Variants in STK33 observed in about 807,000 individuals in gnomAD.
The protein encoded by STK33 is serine/threonine-protein kinase 33.
STK33 carries 52 observed loss-of-function variants against 58.0 expected under a neutral mutation model. That is an observed-to-expected ratio of 0.90 (90% CI 0.72 to 1.13). The LOEUF (loss-of-function observed/expected upper bound fraction) is 1.13, where lower values mean the gene tolerates loss of function less well. Ranked by LOEUF, STK33 falls within the 50% of genes most tolerant of loss-of-function variation. The pLI, the probability that STK33 is intolerant of heterozygous loss-of-function variation, is 0.00. For missense variants in STK33, 630 were observed against 604.2 expected, an observed-to-expected ratio of 1.04 and a Z score of -0.45; for synonymous variants, 215 against 200.1, an observed-to-expected ratio of 1.07 and a Z score of -0.63.
intron 6 of STK33, 25 bp from the exon 7 acceptor site, chr11:8,464,847 G>C (rs1462808824): frequency 1.4e-6 from 2 of 1,384,188 alleles, no homozygotes; most frequent in East Asian, 2.3e-5. Context: ...AAAAAGAGTT[G>C]TCTCTCTATG....
chr11:8,449,223 G>A (rs1023175222), intron 11 of STK33, among the ~76,000 whole-genome samples: 1 of 151,608 alleles, frequency 6.6e-6, no homozygotes, highest in Non-Finnish European at 1.5e-5. Flanking sequence ...AAGACAGTGT[G>A]GCGATTCCTC....
At chr11:8,382,668 T>G in the STK33 span, among the ~76,000 whole-genome samples, 1 of 152,150 alleles carries the variant, frequency 6.6e-6, no homozygotes, top group Admixed American at 6.5e-5. Context: ...ACAGGTCCTG[T>G]GTGAGGTTGC....
chr11:8,496,077 C>T lies in STK33; in HGVS notation c.-465-15463G>A, dbSNP rs534091578. Among the ~76,000 whole-genome samples the T allele has an allele frequency of 1.1e-3, 166 of 151,516 alleles. 1 individual carries two copies. Among genetic ancestry groups the T allele is most frequent in the Non-Finnish European group, 2.0e-3 (134 of 67,898 alleles). ...CAAACCTACATGTTGTGCACATGTA[C>T]CCTAGAACTTAAAGTATAATAAAAA... On this transcript the variant is annotated intron_variant, in intron 1 of 15. Transcript: ENST00000687296.
intron 1 of STK33, among the ~76,000 whole-genome samples, chr11:8,592,725 G>A (rs902607536): frequency 6.6e-6 from 1 of 152,118 alleles, no homozygotes; most frequent in Non-Finnish European, 1.5e-5. Flanking sequence ...GGATGGTCAT[G>A]TACATGGTCA....
intron 12 of STK33, among the ~76,000 whole-genome samples, chr11:8,438,032 C>A (rs1432133873): frequency 2.6e-5 from 4 of 152,164 alleles, no homozygotes; most frequent in African/African-American, 9.7e-5. Context: ...ACAGTGCAGG[C>A]CAGCAAAGGC....
At chr11:8,396,487 G>A (rs1849364695) in intron 15 of STK33, among the ~76,000 whole-genome samples, 1 of 152,214 alleles carries the variant, frequency 6.6e-6, no homozygotes, top group East Asian at 1.9e-4. Context: ...AAAAGAATCT[G>A]AGACTCAGTG....
intron 1 of STK33, among the ~76,000 whole-genome samples, chr11:8,487,261 A>G (rs1950250585): frequency 6.6e-6 from 1 of 151,800 alleles, no homozygotes; most frequent in Non-Finnish European, 1.5e-5. Flanking sequence ...CCGTCTCTAC[A>G]AAAAGTACAA....
the STK33 span, among the ~76,000 whole-genome samples, chr11:8,336,254 C>T: frequency 2.0e-5 from 3 of 152,250 alleles, no homozygotes; most frequent in Non-Finnish European, 4.4e-5. Context: ...ATGGAGACAA[C>T]GACAGCACCT....
intron 1 of STK33, among the ~76,000 whole-genome samples, chr11:8,586,217 G>A (rs1245930603): frequency 7.5e-5 from 8 of 105,994 alleles, no homozygotes; most frequent in African/African-American, 1.7e-4. Context: ...ATCCTATCTC[G>A]GAAAAAAAAA....
intron 1 of STK33, among the ~76,000 whole-genome samples, chr11:8,493,499 G>C (rs1428146743): frequency 1.3e-5 from 2 of 152,158 alleles, no homozygotes; most frequent in African/African-American, 4.8e-5. Context: ...CGGATTCACA[G>C]TGGAATTCTA....
chr11:8,489,257 C>CAAAAA (rs377017514), intron 1 of STK33, among the ~76,000 whole-genome samples: 1 of 64,328 alleles, frequency 1.6e-5, no homozygotes, highest in Non-Finnish European at 2.9e-5. Context: ...AAGCTATCTC[C>CAAAAA]AAAAAAAAAA....
Position 8,491,550 on chromosome 11 carries a change from C to T in STK33, c.-465-10936G>A, listed in dbSNP as rs1950611947. Among the ~76,000 whole-genome samples, 3 of 152,256 alleles carry T rather than the reference C, an allele frequency of 2.0e-5. No homozygotes were observed. The South Asian group carries it at 6.2e-4, about 32-fold the overall frequency. The stretch of plus-strand genomic sequence containing the variant: ...ATATTATCCAGGAGAATTTCCCCAA[C>T]CTAGCAAGGCAGGCCAACATTCAAA... On this transcript the variant is annotated intron_variant, in intron 1 of 15. Coordinates refer to ENST00000687296, the MANE Select transcript of STK33 (RefSeq NM_001352389.2).
At chr11:8,426,678 C>T (rs1040427336) in intron 14 of STK33, among the ~76,000 whole-genome samples, 2 of 152,072 alleles carry the variant, frequency 1.3e-5, no homozygotes, top group African/African-American at 4.8e-5. Context: ...TCGATCTTTT[C>T]TATTTTACCT....
At chr11:8,474,621 G>A in intron 5 of STK33, 60 bp downstream of exon 5, 1 of 1,225,674 alleles carries the variant, frequency 8.2e-7, no homozygotes, top group Non-Finnish European at 1.1e-6. Flanking sequence ...ATGAAGCTAG[G>A]AGTACCATTA....
At chr11:8,465,043 C>A in intron 6 of STK33, 1 of 327,778 alleles carries the variant, frequency 3.1e-6, no homozygotes. Context: ...GGAGGAAAAC[C>A]ATAAAAATCC....
At chr11:8,435,909 G>T in intron 13 of STK33, 118 bp downstream of exon 13, 1 of 553,430 alleles carries the variant, frequency 1.8e-6, no homozygotes, top group Non-Finnish European at 2.9e-6. Context: ...AGTAAATAGT[G>T]TTCATTTCCA....
At chr11:8,423,677 T>G (rs913637823) in intron 14 of STK33, among the ~76,000 whole-genome samples, 1 of 152,086 alleles carries the variant, frequency 6.6e-6, no homozygotes, top group African/African-American at 2.4e-5. Context: ...CTTGAGAACA[T>G]GTACATTCTC....
At chr11:8,538,065 G>A (rs1955193323) in intron 1 of STK33, among the ~76,000 whole-genome samples, 1 of 151,952 alleles carries the variant, frequency 6.6e-6, no homozygotes, top group Non-Finnish European at 1.5e-5. Flanking sequence ...GTGTGCACCT[G>A]TAGTCCAAGC....
the STK33 span, among the ~76,000 whole-genome samples, chr11:8,340,800 C>G: frequency 6.6e-6 from 1 of 152,286 alleles, no homozygotes; most frequent in South Asian, 2.1e-4. Context: ...GAAACAGGCT[C>G]GCAGAGCTGG....
Sources: allele counts gnomAD v4.1 joint callset (sites outside exome capture counted in the v4.1 genomes callset), GRCh38; gene constraint gnomAD v4.1.1; transcripts MANE v1.5; gene names NCBI Gene and HGNC (gene_info 2026-07-23, HGNC 2026-07-21).